The following FAT4 variants were observed in gnomAD, a reference collection of about 807,000 sequenced individuals.
The protein encoded by FAT4 is protocadherin Fat 4.
In FAT4, 84 loss-of-function variants were observed where a neutral mutation model predicts 303.9. The observed-to-expected ratio is 0.28, with a 90% CI of 0.23 to 0.33. FAT4 has a LOEUF of 0.33. Among genes scored for constraint, FAT4 ranks in the 10% least tolerant of loss-of-function variants. The pLI is 1.00. For missense variants in FAT4, 6,005 were observed against 6,146.8 expected (o/e 0.98, Z 0.77); for synonymous variants, 2,307 against 2,298.8 (o/e 1.00, Z -0.10).
At chr4:125,483,703 G>A (rs1578696427) in intron 16 of FAT4, among the ~76,000 whole-genome samples, 1 of 152,032 alleles carries the variant, frequency 6.6e-6, no homozygotes, top group Non-Finnish European at 1.5e-5. Context: ...AGTTTTATAT[G>A]AAAATTTTGA....
Position 125,318,648 on chromosome 4 carries a change from C to G in FAT4, c.2237C>G (p.Ser746Cys). 1.2e-6 allele frequency: 2 copies of G among 1,614,086 alleles called. No individual in the cohort carries two copies. Among genetic ancestry groups the G allele is most frequent in the Non-Finnish European group, 1.7e-6 (2 of 1,180,022 alleles). ...GTCAATGCTCAGAGTGGGGTTATTT[C>G]TACAAGAATGGCCCTAGACAGAGAA... ...FQVNAQSGVI[S>C]TRMALDREEK... Residue 746 changes from serine (S) to cysteine (C), a missense_variant, in exon 2 of 18, where the codon TCT (serine) becomes TGT (cysteine). Ser to Cys is a moderately radical substitution (Grantham distance 112). Transcript: ENST00000394329.
chr4:125,487,744 T>G (rs1727461592), intron 17 of FAT4, 138 bp downstream of exon 17: 1 of 857,780 alleles, frequency 1.2e-6, no homozygotes, highest in Admixed American at 3.8e-5. Context: ...AATTTATGTT[T>G]AAAAAAGTAG....
intron 2 of FAT4, among the ~76,000 whole-genome samples, chr4:125,386,640 A>T (rs1221847102): frequency 6.6e-6 from 1 of 152,208 alleles, no homozygotes; most frequent in African/African-American, 2.4e-5. Flanking sequence ...TGATTTTGAT[A>T]AGTTGAATTT....
Position 125,451,415 on chromosome 4 carries a change from G to A in FAT4, c.10405G>A (p.Glu3469Lys). The change falls in exon 10 of 18, where the codon GAA becomes AAA. Residue 3469 changes from glutamate (E) to lysine (K), a missense_variant. Transcript: ENST00000394329. Reference protein sequence around the residue: ...PQTGQITVTAELDRETLPIYN... With the variant: ...PQTGQITVTAKLDRETLPIYN... ...GACAGGACAGATCACCGTTACTGCA[G>A]AATTAGATCGAGAAACCCTTCCCAT... The A allele has an allele frequency of 6.2e-7, 1 of 1,614,156 alleles. No homozygotes were observed. The highest frequency in any genetic ancestry group is 1.7e-5 in the Admixed American group (1 of 60,022).
intron 8 of FAT4, among the ~76,000 whole-genome samples, chr4:125,442,316 C>G (rs1240950440): frequency 6.6e-6 from 1 of 152,048 alleles, no homozygotes; most frequent in Admixed American, 6.6e-5. Flanking sequence ...TTTGTAATTA[C>G]CTTTTTTTTA....
At chr4:125,324,272 A>G (rs1731067508) in intron 2 of FAT4, among the ~76,000 whole-genome samples, 2 of 152,316 alleles carry the variant, frequency 1.3e-5, no homozygotes, top group Non-Finnish European at 2.9e-5. Flanking sequence ...TTCAGTAAGC[A>G]TTTATCCTTT....
chr4:125,321,864 G>A (rs1730968024), intron 2 of FAT4, among the ~76,000 whole-genome samples: 1 of 152,016 alleles, frequency 6.6e-6, no homozygotes, highest in Admixed American at 6.6e-5. Context: ...CATTTCAGAG[G>A]GGAAAAAATC....
intron 2 of FAT4, among the ~76,000 whole-genome samples, chr4:125,351,569 G>A (rs147414602): frequency 6.5e-4 from 99 of 151,762 alleles, no homozygotes; most frequent in African/African-American, 2.3e-3. Context: ...AATAAATTCA[G>A]TTCCATTGTA....
At chr4:125,393,996 G>A (rs771374227) in intron 2 of FAT4, 6 of 779,886 alleles carry the variant, frequency 7.7e-6, no homozygotes, top group African/African-American at 1.7e-5. Flanking sequence ...TGCAGCTGAA[G>A]TGTTTATTGT....
chr4:125,457,704 G>C (rs535047213), intron 10 of FAT4, among the ~76,000 whole-genome samples: 2 of 151,980 alleles, frequency 1.3e-5, no homozygotes, highest in South Asian at 2.1e-4. Flanking sequence ...GTTTATTATA[G>C]TATAGGCCAT....
chr4:125,433,278 A>G (rs1411909954), intron 7 of FAT4, among the ~76,000 whole-genome samples: 1 of 152,222 alleles, frequency 6.6e-6, no homozygotes, highest in Non-Finnish European at 1.5e-5. Flanking sequence ...TTTAAATGTC[A>G]TATTAAGGGA....
intron 16 of FAT4, among the ~76,000 whole-genome samples, chr4:125,484,787 G>A (rs896143369): frequency 2.6e-5 from 4 of 152,002 alleles, no homozygotes; most frequent in Non-Finnish European, 2.9e-5. Context: ...GAAAGTATTT[G>A]TGTATATAAT....
intron 2 of FAT4, among the ~76,000 whole-genome samples, chr4:125,350,709 G>A (rs546958046): frequency 3.3e-5 from 5 of 151,572 alleles, no homozygotes; most frequent in Non-Finnish European, 7.4e-5. Flanking sequence ...GGTTACTGGC[G>A]GTCATCCATA....
chr4:125,408,564 T>C lies in FAT4; in HGVS notation c.5690T>C (p.Val1897Ala). 1.9e-6 allele frequency: 3 copies of C among 1,612,488 alleles called. No individual in the cohort carries two copies. Among genetic ancestry groups the C allele is most frequent in the South Asian group, 1.1e-5 (1 of 91,036 alleles). ...TTTTTCCTGAATCCTATTACTGGGG[T>C]CTTTAATTTGACTCGATTATTAGAT... ...GIFFLNPITG[V>A]FNLTRLLDYE... Residue 1897 changes from valine (V) to alanine (A), a missense_variant, in exon 5 of 18, where the codon GTC (valine) becomes GCC (alanine). Val to Ala is a moderately conservative substitution (Grantham distance 64). Coordinates refer to ENST00000394329, the MANE Select transcript of FAT4 (RefSeq NM_001291303.3).
At chr4:125,374,307 C>A (rs1459036387) in intron 2 of FAT4, among the ~76,000 whole-genome samples, 1 of 152,114 alleles carries the variant, frequency 6.6e-6, no homozygotes, top group South Asian at 2.1e-4. Flanking sequence ...TTTGAAGTTG[C>A]AACACTCCAG....
chr4:125,488,758 T>C (rs1248933248), intron 17 of FAT4, among the ~76,000 whole-genome samples: 1 of 152,136 alleles, frequency 6.6e-6, no homozygotes, highest in Non-Finnish European at 1.5e-5. Context: ...AAATAGACTT[T>C]AGCTGGAAAT....
rs575708315 is a variant in FAT4, at chr4:125,337,059, C to T, written c.5175+15473C>T. Among the ~76,000 whole-genome samples the T allele has an allele frequency of 3.3e-5, 5 of 151,982 alleles. No individual in the cohort carries two copies. The South Asian group carries it at 1.0e-3, about 32-fold the overall frequency. On this transcript the variant is annotated intron_variant, in intron 2 of 17. Coordinates refer to ENST00000394329, the MANE Select transcript of FAT4 (RefSeq NM_001291303.3). Reference sequence around the variant, plus strand: ...GAGCGCCATTTGAGTTCATTTGGTTCCAAGGCTTTAGTTCTTTCCAGTACA... The same window carrying T: ...GAGCGCCATTTGAGTTCATTTGGTTTCAAGGCTTTAGTTCTTTCCAGTACA...
intron 2 of FAT4, chr4:125,394,047 T>C (rs1578592243): frequency 1.3e-6 from 1 of 770,350 alleles, no homozygotes; most frequent in Non-Finnish European, 2.4e-6. Context: ...CTTCTAATTG[T>C]AGCAGATGAA....
intron 10 of FAT4, among the ~76,000 whole-genome samples, chr4:125,454,407 C>T (rs1395243): frequency 0.99 from 151,328 of 152,370 alleles, 75,154 homozygotes; most frequent in Middle Eastern, 1. Flanking sequence ...ATAGATTTCA[C>T]AGAATCTGAT....
Sources: allele counts gnomAD v4.1 joint callset (sites outside exome capture counted in the v4.1 genomes callset), GRCh38; gene constraint gnomAD v4.1.1; transcripts MANE v1.5; gene names NCBI Gene and HGNC (gene_info 2026-07-23, HGNC 2026-07-21).